MMUT: variants seen among roughly 807,000 people sequenced by gnomAD.
MMUT encodes the protein methylmalonyl-CoA mutase, also known as methylmalonyl-CoA mutase, mitochondrial.
MMUT carries 79 observed loss-of-function variants against 79.9 expected under a neutral mutation model. That is an observed-to-expected ratio of 0.99 (90% confidence interval 0.82 to 1.19). MMUT has a LOEUF of 1.19. MMUT is among the 50% of genes most tolerant of loss of function. The pLI is 0.00. For missense variants in MMUT, 860 were observed against 917.2 expected (o/e 0.94, Z 0.81); for synonymous variants, 273 against 295.7 (o/e 0.92, Z 0.79).
At chr6:49,461,389 A>G (rs1283445617) in intron 1 of MMUT, among the ~76,000 whole-genome samples, 1 of 152,254 alleles carries the variant, frequency 6.6e-6, no homozygotes, top group African/African-American at 2.4e-5. Context: ...CTCAAAAAGT[A>G]GTAAGTAAAA....
intron 6 of MMUT, among the ~76,000 whole-genome samples, chr6:49,449,473 C>T (rs534762589): frequency 1.8e-4 from 27 of 151,172 alleles, no homozygotes; most frequent in African/African-American, 6.0e-4. Context: ...TTGGATTCTA[C>T]GTAAGTGTAA....
intron 7 of MMUT, among the ~76,000 whole-genome samples, chr6:49,448,520 A>C (rs1164189083): frequency 6.6e-6 from 1 of 152,100 alleles, no homozygotes; most frequent in Non-Finnish European, 1.5e-5. Context: ...ACTCCAATGC[A>C]GAGAACACTG....
At chr6:49,433,795 A>G (rs985275804) in intron 12 of MMUT, among the ~76,000 whole-genome samples, 2 of 152,222 alleles carry the variant, frequency 1.3e-5, no homozygotes, top group Admixed American at 1.3e-4. Context: ...ATTGAATAAT[A>G]GCAACATTTT....
rs557464531 is a variant in MMUT at position 49,436,206 on chromosome 6, C to T, written c.1957-583G>A. Among the ~76,000 whole-genome samples, 5 of 152,186 alleles carry T rather than the reference C, an allele frequency of 3.3e-5. No individual in the cohort carries two copies. In the East Asian group the frequency reaches 5.8e-4, roughly 18 times the overall value. On this transcript the variant is annotated intron_variant, in intron 11 of 12. Coordinates refer to ENST00000274813, the MANE Select transcript of MMUT (RefSeq NM_000255.4). ...TGTAAATTAGTTCAACCATTGTAGA[C>T]GACAGTGTGGTGATTCCGCACAGAC...
intron 1 of MMUT, among the ~76,000 whole-genome samples, chr6:49,461,753 A>C (rs1004409590): frequency 2.0e-5 from 3 of 152,210 alleles, no homozygotes; most frequent in African/African-American, 7.2e-5. Flanking sequence ...TGGGCAACAG[A>C]GAGAGACCCC....
At chr6:49,461,318 T>TAAGTAAATGTTCTGTA in intron 1 of MMUT, among the ~76,000 whole-genome samples, 1 of 152,208 alleles carries the variant, frequency 6.6e-6, no homozygotes, top group East Asian at 1.9e-4. Context: ...TCTGTAAATA[T>TAAGTAAATGTTCTGTA]ATGTATAAGT....
At position 49,431,757 on chromosome 6, in the gene MMUT, A is replaced by C. The variant is rs1766984689; in HGVS notation, c.2224T>G (p.Cys742Gly). The C allele has an allele frequency of 1.2e-6, 2 of 1,613,964 alleles. No homozygotes were observed. Among genetic ancestry groups the C allele is most frequent in the Non-Finnish European group, 8.5e-7 (1 of 1,179,916 alleles). The change falls in exon 13 of 13, where the codon TGT (cysteine) becomes GGT (glycine). Residue 742 changes from cysteine (C) to glycine (G), a missense_variant. Coordinates refer to ENST00000274813, the MANE Select transcript of MMUT (RefSeq NM_000255.4). ...AVQVLDDIEK[C>G]LEKKQQSV Reference sequence around the variant, plus strand: ...ACAGATTGCTGCTTCTTTTCCAAACACTTCTCAATATCATCAAGCACCTGA... The same window carrying C: ...ACAGATTGCTGCTTCTTTTCCAAACCCTTCTCAATATCATCAAGCACCTGA...
At position 49,441,856 on chromosome 6, in the gene MMUT, T is replaced by G. The variant is rs9473556; in HGVS notation, c.1792A>C (p.Thr598Pro). Residue 598 changes from threonine (T) to proline (P), a missense_variant, in exon 10 of 13, where the codon ACA (threonine) becomes CCA (proline). Thr to Pro is a conservative substitution (Grantham distance 38). Coordinates refer to ENST00000274813, the MANE Select transcript of MMUT (RefSeq NM_000255.4). ...RQEFGESKEI[T>P]SAIKRVHKFM... ...ACATATTACCTCTTGATAGCAGATG[T>G]TATCTCTTTACTTTCTCCAAATTCC... 2 of 1,611,776 alleles carry G rather than the reference T, an allele frequency of 1.2e-6. No homozygotes were observed. Among genetic ancestry groups the G allele is most frequent in the South Asian group, 1.1e-5 (1 of 91,010 alleles).
At chr6:49,451,225 C>T (rs1338961266) in intron 6 of MMUT, among the ~76,000 whole-genome samples, 2 of 152,054 alleles carry the variant, frequency 1.3e-5, no homozygotes, top group Non-Finnish European at 2.9e-5. Context: ...TACTAGCTGT[C>T]TTTTTAATTC....
chr6:49,451,368 T>C, intron 6 of MMUT, 98 bp downstream of exon 6: 1 of 1,352,142 alleles, frequency 7.4e-7, no homozygotes, highest in Non-Finnish European at 1.0e-6. Flanking sequence ...GATTTATAAA[T>C]TTAAAATCTA....
chr6:49,459,016 C>A (rs1398796034), intron 2 of MMUT, 66 bp downstream of exon 2: 3 of 1,505,934 alleles, frequency 2.0e-6, no homozygotes, highest in Admixed American at 1.8e-5. Flanking sequence ...GATTAACCCC[C>A]AAAAAATAAA....
chr6:49,453,919 C>G (rs1767622771), intron 4 of MMUT, among the ~76,000 whole-genome samples, 163 bp from the exon 5 acceptor site: 2 of 152,106 alleles, frequency 1.3e-5, no homozygotes, highest in African/African-American at 4.8e-5. Context: ...TAACTTTAAA[C>G]CTAACATAAA....
rs1284213862 is a variant in MMUT, at chr6:49,458,009, G to A, written c.435C>T (p.Gly145=). Residue 145 remains glycine, a synonymous_variant, in exon 3 of 13, where the codon GGC becomes GGT. Transcript: ENST00000274813. ...SVAFDLATHR[G]YDSDNPRVRG... ...GAACTCGAGGGTTGTCTGAATCATA[G>A]CCACGATGTGTCGCCAGATCAAAGG... 1 of 1,604,070 alleles carries A rather than the reference G, an allele frequency of 6.2e-7. No individual in the cohort carries two copies. Among genetic ancestry groups the A allele is most frequent in the Non-Finnish European group, 8.5e-7 (1 of 1,179,862 alleles).
intron 9 of MMUT, among the ~76,000 whole-genome samples, chr6:49,442,661 G>C (rs1269500957): frequency 6.6e-6 from 1 of 152,008 alleles, no homozygotes; most frequent in Non-Finnish European, 1.5e-5. Context: ...TTTGAACTAA[G>C]ATATAAATTA....
At chr6:49,434,257 A>G (rs1767065635) in intron 12 of MMUT, among the ~76,000 whole-genome samples, 1 of 152,224 alleles carries the variant, frequency 6.6e-6, no homozygotes, top group African/African-American at 2.4e-5. Context: ...AGGCAAGCAT[A>G]TTAACAAAAA....
At chr6:49,432,691 TA>T (rs1394433705) in intron 12 of MMUT, among the ~76,000 whole-genome samples, 1 of 152,136 alleles carries the variant, frequency 6.6e-6, no homozygotes, top group Non-Finnish European at 1.5e-5. Flanking sequence ...CTGGCCTTTT[TA>T]GTTTATTTTA....
At position 49,441,937 on chromosome 6, in the gene MMUT, T is replaced by C; in HGVS notation, c.1711A>G (p.Lys571Glu). The change falls in exon 10 of 13, where the codon AAG (lysine) becomes GAG (glutamate). Residue 571 changes from lysine to glutamate, a missense_variant. By Grantham distance (56) the Lys-to-Glu change is moderately conservative. Transcript: ENST00000274813. ...TTCGCTTTATGTTCACCAAATACCTTTTTCAGGGCATCTGTGATTTCTCCC... is the reference window on the plus strand; with the variant it reads ...TTCGCTTTATGTTCACCAAATACCTCTTTCAGGGCATCTGTGATTTCTCCC... ...TVGEITDALK[K>E]VFGEHKANDR... The C allele has an allele frequency of 6.2e-7, 1 of 1,611,734 alleles. No homozygotes were observed. The highest frequency in any genetic ancestry group is 2.2e-5 in the East Asian group (1 of 44,714).
chr6:49,457,922 A>G lies in MMUT; in HGVS notation c.522T>C (p.Phe174=). ...IDTVEDTKIL[F]DGIPLEKMSV... is the part of the protein sequence containing the mutation. ...ACATTTTTTCTAAAGGAATTCCATCAAAAAGAATTTTGGTATCTTCCACAG... is the reference window on the plus strand; with the variant it reads ...ACATTTTTTCTAAAGGAATTCCATCGAAAAGAATTTTGGTATCTTCCACAG... The change falls in exon 3 of 13, where the codon TTT becomes TTC. Residue 174 remains phenylalanine (F), a synonymous_variant. Transcript: ENST00000274813. 1 of 1,613,766 alleles carries G rather than the reference A, an allele frequency of 6.2e-7. No homozygotes were observed. The highest frequency in any genetic ancestry group is 8.5e-7 in the Non-Finnish European group (1 of 1,179,984).
chr6:49,456,160 C>T lies in MMUT; in HGVS notation c.831G>A (p.Leu277=), dbSNP rs773265096. Reference sequence around the variant, plus strand: ...CCAATCCATCTGCTAAAGTATAGGCCAGCTCCAGAATGGCATCAGCCCCTG... The same window carrying T: ...CCAATCCATCTGCTAAAGTATAGGCTAGCTCCAGAATGGCATCAGCCCCTG... ...QEAGADAILE[L]AYTLADGLEY... The change falls in exon 4 of 13, where the codon CTG becomes CTA. Residue 277 remains leucine, a synonymous_variant. Coordinates refer to ENST00000274813, the MANE Select transcript of MMUT (RefSeq NM_000255.4). The T allele has an allele frequency of 1.9e-6, 3 of 1,611,630 alleles. No individual in the cohort carries two copies. Among genetic ancestry groups the T allele is most frequent in the African/African-American group, 2.7e-5 (2 of 74,808 alleles).
Sources: allele counts gnomAD v4.1 joint callset (sites outside exome capture counted in the v4.1 genomes callset), GRCh38; gene constraint gnomAD v4.1.1; transcripts MANE v1.5; gene names NCBI Gene and HGNC (gene_info 2026-07-23, HGNC 2026-07-21).